VPS35L: variants seen among roughly 807,000 people sequenced by gnomAD.
VPS35L encodes the protein VPS35 endosomal protein sorting factor like, also known as VPS35 endosomal protein-sorting factor-like.
VPS35L carries 83 observed loss-of-function variants against 133.0 expected under a neutral mutation model. The ratio of observed to expected loss-of-function variants is 0.62; its 90% confidence interval spans 0.52 to 0.75. The LOEUF (loss-of-function observed/expected upper bound fraction) is 0.75. Ranked by LOEUF, VPS35L falls within the 30% of genes least tolerant of loss-of-function variation. The pLI is 0.00. For missense variants in VPS35L, 1,083 were observed against 1,206.8 expected (o/e 0.90, Z 1.52); for synonymous variants, 423 against 449.9 (o/e 0.94, Z 0.76).
At chr16:19,655,702 C>T (rs539069642) in intron 26 of VPS35L, among the ~76,000 whole-genome samples, 50 of 152,300 alleles carry the variant, frequency 3.3e-4, no homozygotes, top group Admixed American at 5.9e-4. Context: ...GGATTTGGCA[C>T]GCATGCTTGT....
intron 18 of VPS35L, among the ~76,000 whole-genome samples, chr16:19,632,164 T>C (rs1052266561): frequency 1.3e-5 from 2 of 151,742 alleles, no homozygotes; most frequent in African/African-American, 4.8e-5. Context: ...GGTTTCACCA[T>C]GTTGGCCAGG....
At chr16:19,617,316 C>T (rs546993288) in intron 14 of VPS35L, 1 of 224,146 alleles carries the variant, frequency 4.5e-6, no homozygotes, top group Non-Finnish European at 8.9e-6. Context: ...TGTGACTGTA[C>T]TACTGCACTC....
At chr16:19,581,936 CA>C in intron 7 of VPS35L, 1 of 390,966 alleles carries the variant, frequency 2.6e-6, no homozygotes, top group Non-Finnish European at 4.7e-6. Context: ...ATGTGTTGTG[CA>C]GTACATTAAC....
rs1174169196 is a variant in VPS35L at position 19,657,047 on chromosome 16, C to T, written c.2221+4957C>T. Among the ~76,000 whole-genome samples the T allele has an allele frequency of 2.0e-5, 3 of 148,290 alleles. No homozygotes were observed. In the Admixed American group the frequency reaches 2.1e-4, roughly 10 times the overall value. On this transcript the variant is annotated intron_variant, in intron 26 of 30. Transcript: ENST00000417362. ...GTGGCGTGATCTCTGCTCGCTGCAA[C>T]CTCCGTCTCCCAAGTTCAAGTGATT...
chr16:19,630,131 G>A (rs1973399692), intron 18 of VPS35L, among the ~76,000 whole-genome samples: 1 of 151,944 alleles, frequency 6.6e-6, no homozygotes, highest in Non-Finnish European at 1.5e-5. Flanking sequence ...TCAGAGTCTA[G>A]TAAGCAGCAT....
chr16:19,640,092 C>T lies in VPS35L; in HGVS notation c.1776C>T (p.Ala592=), dbSNP rs371696518. The T allele has an allele frequency of 2.0e-5, 33 of 1,613,918 alleles. No individual in the cohort carries two copies. The African/African-American group carries it at 4.1e-4, about 20-fold the overall frequency. The change falls in exon 21 of 31, where the codon GCC becomes GCT. Residue 592 remains alanine (A), a synonymous_variant. Transcript: ENST00000417362. ...AGGTTTGCAAATGCATCATGGACGC[C>T]TTTATCAAGTGAGTGCCACTGCGTG... ...RVEVCKCIMD[A]FIKHQQEPTK...
At chr16:19,612,236 C>CT (rs989360939) in intron 12 of VPS35L, among the ~76,000 whole-genome samples, 7 of 150,886 alleles carry the variant, frequency 4.6e-5, no homozygotes, top group Non-Finnish European at 1.0e-4. Context: ...TGCACCCGGC[C>CT]TTTTTTTGTT....
Position 19,601,655 on chromosome 16 carries a change from T to C in VPS35L, c.725-9T>C, listed in dbSNP as rs748233266. On this transcript the variant is annotated splice_polypyrimidine_tract_variant and intron_variant, in intron 8 of 30. Transcript: ENST00000417362. ...GTGATACTAACACCATCTGTCCTTT[T>C]CCTCCCAGGAAAGCTCGTGTACGAG... 2 of 1,613,964 alleles carry C rather than the reference T, an allele frequency of 1.2e-6. No individual in the cohort carries two copies. Among genetic ancestry groups the C allele is most frequent in the South Asian group, 1.1e-5 (1 of 91,072 alleles).
At chr16:19,578,236 A>C in intron 5 of VPS35L, 1 of 448,122 alleles carries the variant, frequency 2.2e-6, no homozygotes, top group East Asian at 7.0e-5. Flanking sequence ...TGTCAGGCTT[A>C]CAAAAAGAGT....
intron 3 of VPS35L, among the ~76,000 whole-genome samples, chr16:19,570,645 A>G (rs1971331639): frequency 6.6e-6 from 1 of 151,570 alleles, no homozygotes; most frequent in Admixed American, 6.6e-5. Context: ...AACTTACTGC[A>G]TGGCAGGCAT....
In VPS35L at chr16:19,699,397, G is replaced by A; in HGVS notation, c.2647-105G>A. 3 of 1,394,336 alleles carry A rather than the reference G, an allele frequency of 2.2e-6. No homozygotes were observed. Among genetic ancestry groups the A allele is most frequent in the Non-Finnish European group, 2.9e-6 (3 of 1,021,404 alleles). The allele number at this position is 1,394,336 out of a possible 1,614,324, so 86.4% of individuals were successfully genotyped here. A position where few individuals can be genotyped will look rare whatever the true frequency, so the allele number is the denominator to read the frequency against. ...GCAAATACATGGCAGAGCTGGCACT[G>A]GAACTCAGGCATGACCTACCCCAGA... On this transcript the variant is annotated intron_variant, in intron 29 of 30. Coordinates refer to ENST00000417362, the MANE Select transcript of VPS35L (RefSeq NM_020314.7). The surrounding 1 kb of genome is among the most constrained non-coding windows in gnomAD (Gnocchi z 4.2).
At position 19,601,853 on chromosome 16, in the gene VPS35L, C is replaced by G. The variant is rs914680626; in HGVS notation, c.784+130C>G. 3.4e-6 allele frequency: 3 copies of G among 879,066 alleles called. No homozygotes were observed. In the African/African-American group the frequency reaches 5.2e-5, roughly 15 times the overall value. 54.5% of individuals were successfully genotyped at this position (879,066 alleles called of 1,614,324 possible). ...GGGTGTGTTAAAGTAAAAGAAACAC[C>G]TTTGAAGATTTCTGATCACCTCAGT... On this transcript the variant is annotated intron_variant, in intron 9 of 30. Coordinates refer to ENST00000417362, the MANE Select transcript of VPS35L (RefSeq NM_020314.7).
intron 29 of VPS35L, among the ~76,000 whole-genome samples, chr16:19,692,712 G>A (rs1975739545): frequency 6.6e-6 from 1 of 151,956 alleles, no homozygotes; most frequent in Admixed American, 6.6e-5. Flanking sequence ...TCAGGTGCCC[G>A]CCACCACACC....
chr16:19,687,029 C>T (rs1975486573), intron 28 of VPS35L, among the ~76,000 whole-genome samples: 1 of 152,144 alleles, frequency 6.6e-6, no homozygotes, highest in Non-Finnish European at 1.5e-5. Context: ...TTGCAATTGC[C>T]TGTTTGTGTG....
rs1971490846 is a variant in VPS35L at position 19,575,137 on chromosome 16, T to C, written c.433+15T>C. The C allele has an allele frequency of 1.2e-6, 2 of 1,605,260 alleles. No individual in the cohort carries two copies. Among genetic ancestry groups the C allele is most frequent in the Non-Finnish European group, 1.7e-6 (2 of 1,174,378 alleles). ...ATCTGAAAAAGGTAAGATGAGTTTG[T>C]TGTTGTTTTGATGGGAAAATTCTGG... On this transcript the variant is annotated intron_variant, in intron 5 of 30. Transcript: ENST00000417362.
At chr16:19,619,184 C>T (rs924859678) in intron 14 of VPS35L, among the ~76,000 whole-genome samples, 4 of 152,162 alleles carry the variant, frequency 2.6e-5, no homozygotes, top group African/African-American at 9.6e-5. Flanking sequence ...CCTCCCGCCT[C>T]GGCTTCCCAG....
intron 26 of VPS35L, among the ~76,000 whole-genome samples, chr16:19,661,799 A>G (rs1181358306): frequency 2.6e-5 from 4 of 152,116 alleles, no homozygotes; most frequent in Non-Finnish European, 5.9e-5. Flanking sequence ...TGCCCCTTAG[A>G]ACAGCAGGAG....
At chr16:19,620,771 C>T (rs183255964) in intron 14 of VPS35L, among the ~76,000 whole-genome samples, 6 of 151,802 alleles carry the variant, frequency 4.0e-5, no homozygotes, top group East Asian at 1.9e-4. Flanking sequence ...GCCAACATGG[C>T]GAAACCCCAT....
chr16:19,646,469 C>A (rs533511725), intron 23 of VPS35L, among the ~76,000 whole-genome samples: 3 of 152,022 alleles, frequency 2.0e-5, no homozygotes, highest in Non-Finnish European at 2.9e-5. Context: ...AGGTCGAGAC[C>A]AGCCTCACCA....
Sources: gnomAD v4.1 joint callset for allele counts (sites outside exome capture counted in the v4.1 genomes callset) on GRCh38, gnomAD v4.1.1 for gene constraint, Gnocchi (gnomAD v3.1) non-coding constraint, MANE v1.5 for transcripts, NCBI Gene and HGNC (gene_info 2026-07-23, HGNC 2026-07-21) for gene names.